The following CDHR1 variants were observed in gnomAD, a reference collection of about 807,000 sequenced individuals.
CDHR1 encodes the protein cadherin-related family member 1.
In CDHR1, 61 loss-of-function variants were observed where a neutral mutation model predicts 72.1. That is an observed-to-expected ratio of 0.85 (90% CI 0.69 to 1.05). CDHR1 has a LOEUF of 1.05. Among genes scored for constraint, CDHR1 ranks in the 50% least tolerant of loss-of-function variants. The pLI is 0.00. For missense variants in CDHR1, 1,186 were observed against 1,115.7 expected (o/e 1.06, Z -0.90); for synonymous variants, 470 against 448.1 (o/e 1.05, Z -0.62).
rs767366723 is a variant in CDHR1 at position 84,211,167 on chromosome 10, T to G, written c.1485+2T>G. ...GGCTCCAGCGTGGTGGCTGTCACAG[T>G]GGGTTGGGCACTGGCCCAGGGACTG... On this transcript the variant is annotated splice_donor_variant, in intron 13 of 16. Coordinates refer to ENST00000623527, the MANE Select transcript of CDHR1 (RefSeq NM_033100.4). LOFTEE classifies it high-confidence loss of function. 11 of 1,614,128 alleles carry G rather than the reference T, an allele frequency of 6.8e-6. No individual in the cohort carries two copies. Among genetic ancestry groups the G allele is most frequent in the Admixed American group, 1.7e-5 (1 of 60,026 alleles).
chr10:84,200,534 A>T, intron 5 of CDHR1, 67 bp from the exon 6 acceptor site: 1 of 1,064,144 alleles, frequency 9.4e-7, no homozygotes, highest in Non-Finnish European at 1.4e-6. Context: ...GCATGCCCCT[A>T]TGCCTCTGTC....
intron 15 of CDHR1, 23 bp downstream of exon 15, chr10:84,212,430 C>G: frequency 6.3e-7 from 1 of 1,587,838 alleles, no homozygotes; most frequent in Non-Finnish European, 8.7e-7. Context: ...GGCAGCTGAG[C>G]TCCCCTAAAA....
At chr10:84,213,047 A>G in intron 15 of CDHR1, 44 bp from the exon 16 acceptor site, 1 of 1,614,016 alleles carries the variant, frequency 6.2e-7, no homozygotes, top group Non-Finnish European at 8.5e-7. Context: ...GTACACAAGG[A>G]TTGTCCCCAA....
rs748905962 is a variant in CDHR1, at chr10:84,204,528, G to A, written c.785G>A (p.Gly262Asp). The stretch of plus-strand genomic sequence containing the variant: ...AGCGGCTGTTCCTGTTTCCCCGAGG[G>A]CTCGGAGGTACTGAAGGTGGTCGCC... The part of the protein sequence containing the change: ...YGYVYEDTLP[G>D]SEVLKVVAMD... The change falls in exon 9 of 17, where the codon GGC becomes GAC. Residue 262 changes from glycine (G) to aspartate (D), a missense_variant and splice_region_variant. Physicochemically the swap from Gly to Asp is moderately conservative, Grantham distance 94. Transcript: ENST00000623527. 3.0e-5 allele frequency: 48 copies of A among 1,610,642 alleles called. No homozygotes were observed. In the South Asian group the frequency reaches 5.2e-4, roughly 17 times the overall value.
At chr10:84,195,307 G>A (rs1344021699) in intron 1 of CDHR1, among the ~76,000 whole-genome samples, 187 bp from the exon 2 acceptor site, 1 of 152,200 alleles carries the variant, frequency 6.6e-6, no homozygotes, top group Non-Finnish European at 1.5e-5. Context: ...CGGGGGCGGA[G>A]TGGGGGTCAG....
chr10:84,200,450 C>T, intron 5 of CDHR1, 151 bp from the exon 6 acceptor site: 1 of 683,072 alleles, frequency 1.5e-6, no homozygotes, highest in Non-Finnish European at 2.7e-6. Flanking sequence ...GGGCCCAGCC[C>T]CCACTGGGTG....
At chr10:84,211,598 A>G (rs757609281) in intron 13 of CDHR1, 50 bp from the exon 14 acceptor site, 1 of 1,527,568 alleles carries the variant, frequency 6.5e-7, no homozygotes, top group Admixed American at 1.7e-5. Context: ...GGAGCTGCCA[A>G]CATACCCTGA....
chr10:84,216,923 C>CT lies in CDHR1; in HGVS notation c.*2303dup. 1 of 985,504 alleles carries CT rather than the reference C, an allele frequency of 1.0e-6. No homozygotes were observed. Among genetic ancestry groups the CT allele is most frequent in the Non-Finnish European group, 1.2e-6 (1 of 829,976 alleles). The allele number at this position is 985,504 out of a possible 1,614,324, so 61.0% of individuals were successfully genotyped here. A position where few individuals can be genotyped will look rare whatever the true frequency, so the allele number is the denominator to read the frequency against. On this transcript the variant is annotated 3_prime_UTR_variant, in exon 17 of 17. Transcript: ENST00000623527. ...CACTGTCGTCTCTCAGACAGGCGTC[C>CT]TAAAGACCTCTAGGCTGGAAGCTTG...
chr10:84,217,521 A>C lies in CDHR1; in HGVS notation c.*2900A>C. 1 of 976,690 alleles carries C rather than the reference A, an allele frequency of 1.0e-6. No homozygotes were observed. Among genetic ancestry groups the C allele is most frequent in the Non-Finnish European group, 1.2e-6 (1 of 821,930 alleles). 60.5% of individuals were successfully genotyped at this position (976,690 alleles called of 1,614,324 possible). Reference sequence around the variant, plus strand: ...AAGAGGTCAAGTCTCTCTGGGCCTCACTTTCCTCATTAACACAGGGTGCAA... The same window carrying C: ...AAGAGGTCAAGTCTCTCTGGGCCTCCCTTTCCTCATTAACACAGGGTGCAA... On this transcript the variant is annotated 3_prime_UTR_variant, in exon 17 of 17. Coordinates refer to ENST00000623527, the MANE Select transcript of CDHR1 (RefSeq NM_033100.4).
chr10:84,213,356 C>T lies in CDHR1; in HGVS notation c.2040+8C>T. 1 of 1,614,148 alleles carries T rather than the reference C, an allele frequency of 6.2e-7. No homozygotes were observed. The highest frequency in any genetic ancestry group is 8.5e-7 in the Non-Finnish European group (1 of 1,180,036). On this transcript the variant is annotated splice_region_variant and intron_variant, in intron 16 of 16. Transcript: ENST00000623527. ...GACATCACAGATGCTGAGGTGAGTA[C>T]AAAGCCATGGTCAGGAAAAAGGGGT...
intron 3 of CDHR1, 100 bp downstream of exon 3, chr10:84,196,750 G>A: frequency 7.2e-7 from 1 of 1,393,752 alleles, no homozygotes. Flanking sequence ...CCTCTCCACA[G>A]AGTAGGGGAT....
At position 84,216,581 on chromosome 10, in the gene CDHR1, G is replaced by C. The variant is rs754602331; in HGVS notation, c.*1960G>C. ...TATGTTTGCTGACCTGTGGAGACCA[G>C]TCTTTCTGACACACAGTGAAGCTCA... On this transcript the variant is annotated 3_prime_UTR_variant, in exon 17 of 17. Coordinates refer to ENST00000623527, the MANE Select transcript of CDHR1 (RefSeq NM_033100.4). 4.2e-5 allele frequency: 41 copies of C among 985,388 alleles called. No individual in the cohort carries two copies. Among genetic ancestry groups the C allele is most frequent in the Non-Finnish European group, 4.8e-5 (40 of 829,946 alleles). The allele number at this position is 985,388 out of a possible 1,614,324, so 61.0% of individuals were successfully genotyped here.
At chr10:84,207,104 T>C (rs1413645084) in intron 10 of CDHR1, among the ~76,000 whole-genome samples, 1 of 152,106 alleles carries the variant, frequency 6.6e-6, no homozygotes, top group African/African-American at 2.4e-5. Context: ...ACATCAAAAC[T>C]TGGGCATACA....
chr10:84,195,393 A>G, intron 1 of CDHR1, 101 bp from the exon 2 acceptor site: 1 of 1,097,148 alleles, frequency 9.1e-7, no homozygotes, highest in East Asian at 2.6e-5. Context: ...CCTCCTGCCC[A>G]GTAGCTGGGC....
At position 84,214,496 on chromosome 10, in the gene CDHR1, A is replaced by G. The variant is rs747960015; in HGVS notation, c.2455A>G (p.Thr819Ala). 1.4e-5 allele frequency: 22 copies of G among 1,605,588 alleles called. No homozygotes were observed. Among genetic ancestry groups the G allele is most frequent in the Non-Finnish European group, 1.8e-5 (21 of 1,179,118 alleles). The change falls in exon 17 of 17, where the codon ACT becomes GCT. Residue 819 changes from threonine to alanine, a missense_variant. Transcript: ENST00000623527. The stretch of plus-strand genomic sequence containing the variant: ...CGTGCCTACTGTCTCTGGCTCTCTC[A>G]CTCCGCAGCCGACCCAACCCCCGCC... ...WTVPTVSGSL[T>A]PQPTQPPPKP...
At position 84,218,364 on chromosome 10, in the gene CDHR1, G is replaced by A. The variant is rs539402821; in HGVS notation, c.*3743G>A. 2.0e-6 allele frequency: 2 copies of A among 985,426 alleles called. No individual in the cohort carries two copies. The highest frequency in any genetic ancestry group is 4.7e-5 in the South Asian group (1 of 21,286). 61.0% of individuals were successfully genotyped at this position (985,426 alleles called of 1,614,324 possible). On this transcript the variant is annotated 3_prime_UTR_variant, in exon 17 of 17. Transcript: ENST00000623527. ...TTTGATGTTATAAAATCGTGCACAT[G>A]TACCCCTTTTGAGGCCTGAATGAGG...
chr10:84,214,227 A>T lies in CDHR1; in HGVS notation c.2186A>T (p.Lys729Met). 1 of 1,614,114 alleles carries T rather than the reference A, an allele frequency of 6.2e-7. No individual in the cohort carries two copies. Among genetic ancestry groups the T allele is most frequent in the South Asian group, 1.1e-5 (1 of 91,084 alleles). ...ISTATFWRNK[K>M]SNKVLPMRRV... is the part of the protein sequence containing the mutation. ...ACCGCCACCTTCTGGCGCAACAAGA[A>T]GTCTAACAAGGTCCTGCCAATGCGG... Residue 729 changes from lysine to methionine, a missense_variant, in exon 17 of 17, where the codon AAG (lysine) becomes ATG (methionine). Physicochemically the swap from Lys to Met is moderately conservative, Grantham distance 95. Transcript: ENST00000623527.
At chr10:84,219,378 T>C (rs1361263818), downstream of CDHR1, 2 of 1,490,916 alleles carry the variant, frequency 1.3e-6, no homozygotes, top group Non-Finnish European at 1.8e-6. Flanking sequence ...ACCAACATGC[T>C]CCTGGCTCTC....
rs756554786 is a variant in CDHR1, at chr10:84,197,846, C to A, written c.348+10C>A. 1.9e-6 allele frequency: 3 copies of A among 1,612,410 alleles called. No individual in the cohort carries two copies. The highest frequency in any genetic ancestry group is 1.3e-5 in the African/African-American group (1 of 74,862). On this transcript the variant is annotated intron_variant, in intron 4 of 16. Coordinates refer to ENST00000623527, the MANE Select transcript of CDHR1 (RefSeq NM_033100.4). Reference sequence around the variant, plus strand: ...TGATGGCCTGAATCTGGTGAGTGCACGTCCAAGGCAGTCCCTGGCAGCCTG... The same window carrying A: ...TGATGGCCTGAATCTGGTGAGTGCAAGTCCAAGGCAGTCCCTGGCAGCCTG...
Sources: gnomAD v4.1 joint callset for allele counts (sites outside exome capture counted in the v4.1 genomes callset) on GRCh38, gnomAD v4.1.1 for gene constraint, MANE v1.5 for transcripts, NCBI Gene and HGNC (gene_info 2026-07-23, HGNC 2026-07-21) for gene names.